The following KCTD16 variants were observed in gnomAD, a reference collection of about 807,000 sequenced individuals.
KCTD16 encodes BTB/POZ domain-containing protein KCTD16.
Under a neutral mutation model 33.2 loss-of-function variants are expected in KCTD16, and 13 were observed. The ratio of observed to expected loss-of-function variants is 0.39; its 90% CI spans 0.25 to 0.62. The LOEUF is 0.62. Ranked by LOEUF, KCTD16 falls within the 20% of genes least tolerant of loss-of-function variation. The pLI is 0.50. For synonymous variants in KCTD16, 197 were observed against 195.3 expected, an observed-to-expected ratio of 1.01 and a Z score of -0.07; for missense variants, 441 against 525.1, an observed-to-expected ratio of 0.84 and a Z score of 1.57.
At chr5:144,215,640 C>T (rs1753541481) in intron 3 of KCTD16, among the ~76,000 whole-genome samples, 1 of 152,096 alleles carries the variant, frequency 6.6e-6, no homozygotes, top group African/African-American at 2.4e-5. Flanking sequence ...TAGTACTTGC[C>T]ACATAGAGTT....
rs568170466 is a variant in KCTD16, at chr5:144,479,774, G to A, written c.*5660G>A. On this transcript the variant is annotated 3_prime_UTR_variant, in exon 4 of 4. Transcript: ENST00000512467. Reference sequence around the variant, plus strand: ...TTTTGTTGCCAATTAGGTAAAAAATGTTAAGTTCCCAGACTGTCATCCTTG... The same window carrying A: ...TTTTGTTGCCAATTAGGTAAAAAATATTAAGTTCCCAGACTGTCATCCTTG... 8 of 151,958 alleles carry A rather than the reference G, an allele frequency of 5.3e-5. No individual in the cohort carries two copies. The South Asian group carries it at 1.7e-3, about 32-fold the overall frequency. 9.4% of individuals were successfully genotyped at this position (151,958 alleles called of 1,614,324 possible). A position where few individuals can be genotyped will look rare whatever the true frequency, so the allele number is the denominator to read the frequency against.
chr5:144,375,841 C>T (rs1322223000), intron 3 of KCTD16, among the ~76,000 whole-genome samples: 6 of 151,896 alleles, frequency 4.0e-5, no homozygotes, highest in South Asian at 2.1e-4. Context: ...TTTTTTGTCT[C>T]GCTCTGTTGC....
At chr5:144,327,680 CA>C (rs1165808773) in intron 3 of KCTD16, among the ~76,000 whole-genome samples, 1 of 152,072 alleles carries the variant, frequency 6.6e-6, no homozygotes, top group African/African-American at 2.4e-5. Context: ...AAATGACCCA[CA>C]AAAAATCATA....
intron 3 of KCTD16, among the ~76,000 whole-genome samples, chr5:144,277,334 T>C (rs1279615462): frequency 1.3e-5 from 2 of 152,212 alleles, no homozygotes; most frequent in Non-Finnish European, 2.9e-5. Context: ...GACTGCTCCA[T>C]TGGGCTGATC....
intron 3 of KCTD16, among the ~76,000 whole-genome samples, chr5:144,250,832 C>T (rs1298922394): frequency 6.6e-6 from 1 of 151,998 alleles, no homozygotes; most frequent in Non-Finnish European, 1.5e-5. Context: ...CTAACAATAT[C>T]TATATGTATT....
intron 3 of KCTD16, among the ~76,000 whole-genome samples, chr5:144,409,803 C>T (rs1752892115): frequency 6.6e-6 from 1 of 151,856 alleles, no homozygotes; most frequent in Non-Finnish European, 1.5e-5. Context: ...GGCAACGAGA[C>T]CGAAACTCTG....
chr5:144,480,309 A>T lies in KCTD16; in HGVS notation c.*6195A>T, dbSNP rs1754680472. The T allele has an allele frequency of 6.8e-6, 1 of 146,716 alleles. No homozygotes were observed. The highest frequency in any genetic ancestry group is 1.5e-5 in the Non-Finnish European group (1 of 66,884). The allele number at this position is 146,716 out of a possible 1,614,324, so 9.1% of individuals were successfully genotyped here. ...GCACAATAGTTTGTCTCTACTGTGG[A>T]TGTCAGTCCTTGAGAATGTTAAGTA... On this transcript the variant is annotated 3_prime_UTR_variant, in exon 4 of 4. Coordinates refer to ENST00000512467, the MANE Select transcript of KCTD16 (RefSeq NM_020768.4).
intron 3 of KCTD16, among the ~76,000 whole-genome samples, chr5:144,391,508 CCTT>C (rs1176101350): frequency 6.6e-6 from 1 of 152,168 alleles, no homozygotes; most frequent in East Asian, 1.9e-4. Flanking sequence ...CCAGGGCTGA[CCTT>C]CTTGAATCAA....
intron 3 of KCTD16, among the ~76,000 whole-genome samples, chr5:144,456,265 G>T (rs1754060492): frequency 6.6e-6 from 1 of 151,942 alleles, no homozygotes; most frequent in South Asian, 2.1e-4. Context: ...AATGAGAATA[G>T]TGTACTGTTG....
At chr5:144,237,489 G>A (rs1754286337) in intron 3 of KCTD16, among the ~76,000 whole-genome samples, 1 of 151,882 alleles carries the variant, frequency 6.6e-6, no homozygotes, top group African/African-American at 2.4e-5. Flanking sequence ...TTACTCTTTG[G>A]TCACTTTTTC....
intron 2 of KCTD16, among the ~76,000 whole-genome samples, chr5:144,195,898 T>C (rs1378696600): frequency 6.6e-6 from 1 of 152,224 alleles, no homozygotes; most frequent in Non-Finnish European, 1.5e-5. Context: ...GTTGCTCTCA[T>C]AGAACTTTTT....
intron 3 of KCTD16, chr5:144,384,353 G>A (rs557750939): frequency 2.6e-5 from 4 of 152,212 alleles, no homozygotes; most frequent in East Asian, 1.9e-4. Flanking sequence ...AAGGAGCTTC[G>A]TCATTCTGTG....
At chr5:144,350,521 T>G (rs780333819) in intron 3 of KCTD16, among the ~76,000 whole-genome samples, 18 of 151,986 alleles carry the variant, frequency 1.2e-4, no homozygotes, top group Non-Finnish European at 2.5e-4. Flanking sequence ...AATAGCAGAG[T>G]TTTTAATCCC....
intron 3 of KCTD16, among the ~76,000 whole-genome samples, chr5:144,211,076 A>ATATGCTTTGGC (rs1753377184): frequency 2.6e-5 from 4 of 152,072 alleles, no homozygotes; most frequent in Admixed American, 1.3e-4. Flanking sequence ...AGTTGCTTCC[A>ATATGCTTTGGC]CAGAAGTCTC....
At chr5:144,423,451 A>T (rs1753254545) in intron 3 of KCTD16, among the ~76,000 whole-genome samples, 1 of 152,142 alleles carries the variant, frequency 6.6e-6, no homozygotes, top group Non-Finnish European at 1.5e-5. Flanking sequence ...TACGGGTCTC[A>T]GTCAGGTCAT....
intron 3 of KCTD16, among the ~76,000 whole-genome samples, chr5:144,299,144 A>T (rs1439156487): frequency 1.3e-3 from 20 of 15,856 alleles, no homozygotes; most frequent in African/African-American, 6.7e-3. Flanking sequence ...ATATATATAT[A>T]TATATTTTTT....
chr5:144,234,903 A>ACCAATCT (rs1754206636), intron 3 of KCTD16, among the ~76,000 whole-genome samples: 1 of 152,038 alleles, frequency 6.6e-6, no homozygotes, highest in South Asian at 2.1e-4. Flanking sequence ...TGGGCCAAAA[A>ACCAATCT]CCAATCTCTC....
chr5:144,310,037 GT>G (rs5871876), intron 3 of KCTD16, among the ~76,000 whole-genome samples: 50,365 of 147,180 alleles, frequency 0.34, 9,028 homozygotes, highest in African/African-American at 0.48. Context: ...AACACAAGTT[GT>G]TTTTTTTTTT....
intron 3 of KCTD16, among the ~76,000 whole-genome samples, chr5:144,419,940 T>C (rs1202088408): frequency 1.3e-5 from 2 of 152,164 alleles, no homozygotes; most frequent in East Asian, 3.9e-4. Context: ...AAGCTCTCGG[T>C]AAGAAGTAAC....
Sources: gnomAD v4.1 joint callset for allele counts (sites outside exome capture counted in the v4.1 genomes callset) on GRCh38, gnomAD v4.1.1 for gene constraint, MANE v1.5 for transcripts, NCBI Gene and HGNC (gene_info 2026-07-23, HGNC 2026-07-21) for gene names.